Variants in BAZ2B observed in about 807,000 individuals in gnomAD.
The protein encoded by BAZ2B is bromodomain adjacent to zinc finger domain protein 2B.
Under a neutral mutation model 246.0 loss-of-function variants are expected in BAZ2B, and 91 were observed. The ratio of observed to expected loss-of-function variants is 0.37; its 90% confidence interval spans 0.31 to 0.44. The LOEUF (loss-of-function observed/expected upper bound fraction) is 0.44. Ranked by LOEUF, BAZ2B falls within the 20% of genes least tolerant of loss-of-function variation. BAZ2B has a pLI of 1.00. For synonymous variants in BAZ2B, 855 were observed against 860.0 expected, an observed-to-expected ratio of 0.99 and a Z score of 0.10; for missense variants, 2,332 against 2,533.7, an observed-to-expected ratio of 0.92 and a Z score of 1.71.
the BAZ2B span, among the ~76,000 whole-genome samples, chr2:159,658,321 T>C: frequency 6.6e-6 from 1 of 152,234 alleles, no homozygotes; most frequent in South Asian, 2.1e-4. Flanking sequence ...TTTGATTTGC[T>C]AATATTTAGT....
intron 1 of BAZ2B, among the ~76,000 whole-genome samples, chr2:159,608,270 G>A (rs1003471040): frequency 3.3e-5 from 5 of 152,198 alleles, no homozygotes; most frequent in African/African-American, 4.8e-5. Context: ...GCTACTTGGC[G>A]GACTGAGGCG....
intron 6 of BAZ2B, 41 bp from the exon 7 acceptor site, chr2:159,439,253 A>C (rs2072950216): frequency 1.3e-6 from 2 of 1,526,192 alleles, no homozygotes; most frequent in South Asian, 2.4e-5. Context: ...TTATTTTTGG[A>C]AAACATTCAA....
At chr2:159,485,307 C>T (rs1204622659) in intron 2 of BAZ2B, among the ~76,000 whole-genome samples, 4 of 151,526 alleles carry the variant, frequency 2.6e-5, no homozygotes, top group South Asian at 2.1e-4. Context: ...GGGATGTGGC[C>T]GAAATACCTT....
intron 27 of BAZ2B, among the ~76,000 whole-genome samples, chr2:159,358,970 A>G (rs754716250): frequency 6.6e-6 from 1 of 152,234 alleles, no homozygotes; most frequent in African/African-American, 2.4e-5. Context: ...ATTTAGAGAG[A>G]AATTTATAGC....
intron 25 of BAZ2B, among the ~76,000 whole-genome samples, chr2:159,379,948 T>C (rs1394549138): frequency 6.6e-6 from 1 of 152,046 alleles, no homozygotes; most frequent in Non-Finnish European, 1.5e-5. Flanking sequence ...AAGGTGAACT[T>C]CAATCTTTTA....
chr2:159,468,434 G>A (rs1362107478), intron 3 of BAZ2B, among the ~76,000 whole-genome samples: 2 of 152,182 alleles, frequency 1.3e-5, no homozygotes, highest in Non-Finnish European at 2.9e-5. Context: ...ACCCAGAGGA[G>A]TCTAGCATGA....
At chr2:159,686,759 T>C in the BAZ2B span, among the ~76,000 whole-genome samples, 1 of 152,068 alleles carries the variant, frequency 6.6e-6, no homozygotes, top group Non-Finnish European at 1.5e-5. Flanking sequence ...TATACCACAG[T>C]AGGCCAGGCG....
chr2:159,408,644 C>A (rs866751419), intron 14 of BAZ2B, among the ~76,000 whole-genome samples: 3 of 152,114 alleles, frequency 2.0e-5, no homozygotes, highest in Admixed American at 6.5e-5. Flanking sequence ...AAAGGCCGGG[C>A]GCAGCAGCTC....
At chr2:159,662,833 T>C in the BAZ2B span, among the ~76,000 whole-genome samples, 3 of 151,922 alleles carry the variant, frequency 2.0e-5, no homozygotes, top group Non-Finnish European at 4.4e-5. Flanking sequence ...CGCCCAGCCC[T>C]TACTTTCGGT....
chr2:159,434,427 G>A (rs60285288), intron 8 of BAZ2B: 5,684 of 152,456 alleles, frequency 0.037, 187 homozygotes, highest in South Asian at 0.06. Context: ...CCAAAGTGCT[G>A]GGATTACAGG....
chr2:159,549,671 C>T (rs1481038556), intron 2 of BAZ2B, among the ~76,000 whole-genome samples: 1 of 151,862 alleles, frequency 6.6e-6, no homozygotes, highest in Non-Finnish European at 1.5e-5. Flanking sequence ...TTAGGATGCA[C>T]TGATAGCTGT....
chr2:159,323,117 T>C (rs1006511599), intron 36 of BAZ2B, among the ~76,000 whole-genome samples: 5 of 151,724 alleles, frequency 3.3e-5, no homozygotes, highest in African/African-American at 9.7e-5. Context: ...CCTGAGTAGC[T>C]GGGACTACAG....
At chr2:159,339,213 C>G (rs1013402069) in intron 31 of BAZ2B, among the ~76,000 whole-genome samples, 2 of 151,912 alleles carry the variant, frequency 1.3e-5, no homozygotes, top group Non-Finnish European at 2.9e-5. Context: ...ATGCCCTCCC[C>G]GTCCCTGCCG....
At chr2:159,513,246 G>C (rs1166640173) in intron 2 of BAZ2B, among the ~76,000 whole-genome samples, 1 of 152,082 alleles carries the variant, frequency 6.6e-6, no homozygotes, top group South Asian at 2.1e-4. Flanking sequence ...AAATATTTTT[G>C]TTACTTTTTA....
intron 2 of BAZ2B, among the ~76,000 whole-genome samples, chr2:159,541,987 A>T (rs1032207223): frequency 1.3e-5 from 2 of 152,230 alleles, no homozygotes; most frequent in Non-Finnish European, 1.5e-5. Flanking sequence ...CAGAAATTTT[A>T]AAAAGGAACC....
chr2:159,583,775 GAGTACAGGGC>G (rs1687394222), intron 1 of BAZ2B, among the ~76,000 whole-genome samples: 1 of 152,210 alleles, frequency 6.6e-6, no homozygotes, highest in South Asian at 2.1e-4. Flanking sequence ...GAAAAAGAGA[GAGTACAGGGC>G]AGACGGTTTA....
chr2:159,575,815 GA>G (rs1218924670), intron 1 of BAZ2B, among the ~76,000 whole-genome samples: 4 of 151,816 alleles, frequency 2.6e-5, no homozygotes, highest in Non-Finnish European at 5.9e-5. Flanking sequence ...ATTTTCAAAA[GA>G]AAAAAATTTT....
At chr2:159,512,873 G>T (rs2083071087) in intron 2 of BAZ2B, among the ~76,000 whole-genome samples, 1 of 152,054 alleles carries the variant, frequency 6.6e-6, no homozygotes, top group African/African-American at 2.4e-5. Context: ...TGTCCCAAGG[G>T]TATGACTGTG....
chr2:159,408,803 C>T (rs148377852), intron 14 of BAZ2B, among the ~76,000 whole-genome samples: 9,715 of 152,098 alleles, frequency 0.064, 427 homozygotes, highest in African/African-American at 0.13. Context: ...GCCTGTAATC[C>T]CAGCTACTCA....
Sources: allele counts gnomAD v4.1 joint callset (sites outside exome capture counted in the v4.1 genomes callset), GRCh38; gene constraint gnomAD v4.1.1; transcripts MANE v1.5; gene names NCBI Gene and HGNC (gene_info 2026-07-23, HGNC 2026-07-21).